Variants in DSCAML1 observed in about 807,000 individuals in gnomAD.
DSCAML1 encodes the protein DS cell adhesion molecule like 1.
A neutral mutation model predicts 200.5 loss-of-function variants in DSCAML1; 38 were observed. That is an observed-to-expected ratio of 0.19 (90% CI 0.15 to 0.25). DSCAML1 has a LOEUF of 0.25. DSCAML1 is among the 10% of genes least tolerant of loss of function. The pLI is 1.00. For missense variants in DSCAML1, 2,223 were observed against 2,858.8 expected (o/e 0.78, Z 5.07); for synonymous variants, 1,215 against 1,165.0 (o/e 1.04, Z -0.87).
chr11:117,531,938 A>AG (rs2050085971), intron 4 of DSCAML1, among the ~76,000 whole-genome samples: 1 of 82,388 alleles, frequency 1.2e-5, no homozygotes, highest in Non-Finnish European at 2.2e-5. Context: ...GGGAGGAGGG[A>AG]GGAGGGAGGG....
At chr11:117,694,057 T>TTATATATATATATATA (rs35313833) in intron 3 of DSCAML1, among the ~76,000 whole-genome samples, 10 of 116,638 alleles carry the variant, frequency 8.6e-5, no homozygotes, top group East Asian at 2.6e-4. Context: ...GGTTCTATCT[T>TTATATATATATATATA]TATATATATA....
At chr11:117,802,744 A>C (rs886908613) in intron 1 of DSCAML1, among the ~76,000 whole-genome samples, 1 of 152,160 alleles carries the variant, frequency 6.6e-6, no homozygotes, top group Non-Finnish European at 1.5e-5. Flanking sequence ...TTGACCTTGT[A>C]GGCAGCGCCT....
intron 3 of DSCAML1, among the ~76,000 whole-genome samples, chr11:117,701,995 C>G (rs544425601): frequency 6.6e-6 from 1 of 152,206 alleles, no homozygotes; most frequent in African/African-American, 2.4e-5. Context: ...TCCAGTTACA[C>G]AGTCCCGTGG....
intron 21 of DSCAML1, among the ~76,000 whole-genome samples, chr11:117,442,269 TTA>T (rs1235514977): frequency 3.1e-4 from 47 of 151,530 alleles, no homozygotes; most frequent in African/African-American, 1.1e-3. Flanking sequence ...TGTGCATGTA[TTA>T]GTGTGTATAG....
In DSCAML1 at chr11:117,804,332, G is replaced by A. The variant is rs150653872; in HGVS notation, c.-250+13058C>T. Among the ~76,000 whole-genome samples, 644 of 152,328 alleles carry A rather than the reference G, an allele frequency of 4.2e-3. 4 individuals are homozygous for A. The highest frequency in any genetic ancestry group is 0.015 in the African/African-American group (619 of 41,578). ...GGCTTTCTACACCGACCCAACAGGT[G>A]TCAACTCAGTCTCTCAAATGCTGCC... On this transcript the variant is annotated intron_variant, in intron 1 of 2. Transcript: ENST00000525836.
chr11:117,754,059 G>T (rs1262160899), intron 3 of DSCAML1, among the ~76,000 whole-genome samples: 1 of 152,162 alleles, frequency 6.6e-6, no homozygotes, highest in Non-Finnish European at 1.5e-5. Flanking sequence ...AGATCCTGGG[G>T]TCCTTTCCCT....
rs773947462 is a variant in DSCAML1 at position 117,518,741 on chromosome 11, G to T, written c.1235C>A (p.Ser412Ter). ...ALEDGTPRIV[S>*]SFSEKVVNPG... The stretch of plus-strand genomic sequence containing the variant: ...GTTGACCACCTTCTCGCTGAAGGAC[G>T]AGACGATGCGGGGCGTGCCATCTGC... The change falls in exon 7 of 33, where the codon TCG becomes TAG. Residue 412 changes from serine (S) to a stop codon, truncating the protein, a stop_gained. Transcript: ENST00000651296. LOFTEE classifies it high-confidence loss of function. The surrounding 1 kb of genome is among the most constrained non-coding windows in gnomAD (Gnocchi z 6.3). The T allele has an allele frequency of 6.2e-7, 1 of 1,612,180 alleles. No individual in the cohort carries two copies. Among genetic ancestry groups the T allele is most frequent in the Non-Finnish European group, 8.5e-7 (1 of 1,179,994 alleles).
chr11:117,751,402 T>C (rs558078984), intron 3 of DSCAML1, among the ~76,000 whole-genome samples: 51 of 151,882 alleles, frequency 3.4e-4, no homozygotes, highest in Non-Finnish European at 4.3e-4. Context: ...TTTCTTTTTT[T>C]TTTTTTCTCT....
intron 3 of DSCAML1, among the ~76,000 whole-genome samples, chr11:117,596,775 T>G (rs1162806194): frequency 6.6e-6 from 1 of 152,256 alleles, no homozygotes; most frequent in Non-Finnish European, 1.5e-5. Context: ...GATGCACATG[T>G]AATTAATGCA....
rs561690033 is a variant in DSCAML1, at chr11:117,695,731, G to A, written c.511+81060C>T. On this transcript the variant is annotated intron_variant, in intron 3 of 32. Transcript: ENST00000651296. ...TGAGGGAGTCAGTGGGGACGATGGA[G>A]AGACTTCTTTCCTGGTTGGAAAACC... is the stretch of plus-strand genomic sequence containing the variant. Among the ~76,000 whole-genome samples, 3 of 152,318 alleles carry A rather than the reference G, an allele frequency of 2.0e-5. No individual in the cohort carries two copies. In the East Asian group the frequency reaches 5.8e-4, roughly 29 times the overall value.
intron 11 of DSCAML1, among the ~76,000 whole-genome samples, chr11:117,493,452 G>T (rs1425799802): frequency 6.6e-6 from 1 of 151,688 alleles, no homozygotes; most frequent in African/African-American, 2.4e-5. Flanking sequence ...TAGTAGCTGG[G>T]ACTACAGGGG....
intron 1 of DSCAML1, among the ~76,000 whole-genome samples, chr11:117,783,050 C>G (rs1475836406): frequency 6.6e-6 from 1 of 152,188 alleles, no homozygotes; most frequent in African/African-American, 2.4e-5. Context: ...TCAGACATAA[C>G]CTGGCCACCA....
chr11:117,514,682 A>G (rs112854519), intron 8 of DSCAML1, among the ~76,000 whole-genome samples: 118 of 144,778 alleles, frequency 8.2e-4, no homozygotes, highest in African/African-American at 2.9e-3. Context: ...TCCCAGGTTC[A>G]AGTTATTCTC....
intron 3 of DSCAML1, among the ~76,000 whole-genome samples, chr11:117,718,384 G>A (rs910078049): frequency 6.6e-6 from 1 of 152,230 alleles, no homozygotes; most frequent in Non-Finnish European, 1.5e-5. Flanking sequence ...GGTTATGGGT[G>A]ATGTGTGCCG....
In DSCAML1 at chr11:117,438,994, A is replaced by G. The variant is rs1013962218; in HGVS notation, c.4145-11T>C. 6.3e-6 allele frequency: 10 copies of G among 1,595,642 alleles called. No homozygotes were observed. Among genetic ancestry groups the G allele is most frequent in the Non-Finnish European group, 7.7e-6 (9 of 1,172,958 alleles). On this transcript the variant is annotated splice_polypyrimidine_tract_variant and intron_variant, in intron 23 of 32. Transcript: ENST00000651296. ...GCTGGTCCGGGGGAACTGTGAGGGG[A>G]AAGCCACCACCCCTTAGCACAAGGG...
At chr11:117,747,608 C>A (rs1352545794) in intron 3 of DSCAML1, among the ~76,000 whole-genome samples, 1 of 152,334 alleles carries the variant, frequency 6.6e-6, no homozygotes, top group East Asian at 1.9e-4. Context: ...GAGAGAGGGT[C>A]TGGCACACCA....
In DSCAML1 at chr11:117,535,531, G is replaced by A. The variant is rs537216829; in HGVS notation, c.512-3009C>T. 1.2e-4 allele frequency among the ~76,000 whole-genome samples: 19 copies of A among 152,310 alleles called. No individual in the cohort carries two copies. The East Asian group carries it at 2.9e-3, about 23-fold the overall frequency. The stretch of plus-strand genomic sequence containing the variant: ...GAGGACGAGAAGGAAGGTGGAGGGC[G>A]CCAAGCCCTGCAGCTGGCTGTCAGA... On this transcript the variant is annotated intron_variant, in intron 3 of 32. Transcript: ENST00000651296.
chr11:117,755,501 C>T (rs1408733242), intron 3 of DSCAML1, among the ~76,000 whole-genome samples: 1 of 152,188 alleles, frequency 6.6e-6, no homozygotes, highest in African/African-American at 2.4e-5. Flanking sequence ...CCCTGCCCCC[C>T]GTCTCCTCGG....
At chr11:117,568,940 G>A (rs1438334361) in intron 3 of DSCAML1, among the ~76,000 whole-genome samples, 3 of 152,192 alleles carry the variant, frequency 2.0e-5, no homozygotes, top group African/African-American at 7.2e-5. Flanking sequence ...GAACAAAGCT[G>A]GAGGCATCAC....
Sources: allele counts gnomAD v4.1 joint callset (sites outside exome capture counted in the v4.1 genomes callset), GRCh38; gene constraint gnomAD v4.1.1; non-coding constraint Gnocchi (gnomAD v3.1); transcripts MANE v1.5; gene names NCBI Gene and HGNC (gene_info 2026-07-23, HGNC 2026-07-21).